NRCAM: variants seen among roughly 807,000 people sequenced by gnomAD.
NRCAM encodes neuronal cell adhesion molecule, also known as NgCAM-related cell adhesion molecule.
NRCAM carries 83 observed loss-of-function variants against 156.5 expected under a neutral mutation model. The observed-to-expected ratio is 0.53, with a 90% confidence interval of 0.44 to 0.64. NRCAM has a LOEUF of 0.64. Ranked by LOEUF, NRCAM falls within the 30% of genes least tolerant of loss-of-function variation. The pLI is 0.00. For missense variants in NRCAM, 1,417 were observed against 1,597.3 expected, an observed-to-expected ratio of 0.89 and a Z score of 1.92; for synonymous variants, 538 against 563.9, an observed-to-expected ratio of 0.95 and a Z score of 0.65.
At chr7:108,273,052 C>T (rs752218823) in intron 3 of NRCAM, among the ~76,000 whole-genome samples, 1 of 152,162 alleles carries the variant, frequency 6.6e-6, no homozygotes, top group Non-Finnish European at 1.5e-5. Context: ...CCAGCTTCAT[C>T]CATGTCCCTA....
intron 3 of NRCAM, among the ~76,000 whole-genome samples, chr7:108,286,025 A>G (rs2098086009): frequency 6.6e-6 from 1 of 152,232 alleles, no homozygotes; most frequent in Admixed American, 6.5e-5. Context: ...TAGGCTTTGT[A>G]AGCCTTATAG....
chr7:108,163,744 G>A (rs571255157), intron 30 of NRCAM, among the ~76,000 whole-genome samples: 5 of 151,986 alleles, frequency 3.3e-5, no homozygotes, highest in African/African-American at 1.2e-4. Flanking sequence ...GGGGCAGGGA[G>A]TGGCGCTAAT....
intron 2 of NRCAM, among the ~76,000 whole-genome samples, chr7:108,388,019 A>T (rs1440262438): frequency 2.0e-5 from 3 of 152,140 alleles, no homozygotes; most frequent in East Asian, 3.8e-4. Context: ...CAATAAACAT[A>T]TGTGTGCATG....
intron 32 of NRCAM, among the ~76,000 whole-genome samples, chr7:108,155,204 C>T (rs993264601): frequency 1.3e-5 from 2 of 150,254 alleles, no homozygotes; most frequent in African/African-American, 4.9e-5. Flanking sequence ...GTATTCAAAG[C>T]TTTACAAAAC....
At chr7:108,455,363 GGTAATC>G (rs1855750565) in intron 1 of NRCAM, among the ~76,000 whole-genome samples, 1 of 152,182 alleles carries the variant, frequency 6.6e-6, no homozygotes, top group African/African-American at 2.4e-5. Context: ...CTCCAGGGCG[GGTAATC>G]ACTCCTGGCT....
Position 108,232,430 on chromosome 7 carries a change from A to T in NRCAM, c.323T>A (p.Ile108Asn). ...GGTCTCAGCTTTCCCTTCGCTCATG[A>T]TGTTAATTATGAGCGTTCCTGTGCC... ...KPGTGTLIIN[I>N]MSEGKAETYE... The change falls in exon 7 of 33, where the codon ATC becomes AAC. Residue 108 changes from isoleucine to asparagine, a missense_variant. By Grantham distance (149) the Ile-to-Asn change is moderately radical (BLOSUM62 -3). Coordinates refer to ENST00000379028, the MANE Select transcript of NRCAM (RefSeq NM_001037132.4). 6.2e-7 allele frequency: 1 copy of T among 1,613,720 alleles called. No individual in the cohort carries two copies. The highest frequency in any genetic ancestry group is 1.1e-5 in the South Asian group (1 of 91,054).
rs558369582 is a variant in NRCAM at position 108,360,515 on chromosome 7, CAA to C, written c.-174+38919_-174+38920del. 9.9e-5 allele frequency among the ~76,000 whole-genome samples: 15 copies of C among 152,194 alleles called. No individual in the cohort carries two copies. The East Asian group carries it at 2.5e-3, about 25-fold the overall frequency. ...TTCTAAGGCTAAAATTCACGTGAAA[CAA>C]AAGAGACCCAGAATAGCCAAAACAA... On this transcript the variant is annotated intron_variant, in intron 2 of 32. Coordinates refer to ENST00000379028, the MANE Select transcript of NRCAM (RefSeq NM_001037132.4).
At chr7:108,406,101 G>A (rs2099806694) in intron 1 of NRCAM, among the ~76,000 whole-genome samples, 1 of 152,072 alleles carries the variant, frequency 6.6e-6, no homozygotes, top group Non-Finnish European at 1.5e-5. Flanking sequence ...AGGGGTAAGG[G>A]TGTGACCATG....
intron 3 of NRCAM, among the ~76,000 whole-genome samples, chr7:108,294,159 A>T (rs369235536): frequency 6.7e-6 from 1 of 148,232 alleles, no homozygotes; most frequent in African/African-American, 2.5e-5. Flanking sequence ...TTTGGGCTCC[A>T]GCAGCCCAGG....
Position 108,298,878 on chromosome 7 carries a change from G to A in NRCAM, c.-107+13787C>T, listed in dbSNP as rs112228014. Among the ~76,000 whole-genome samples the A allele has an allele frequency of 6.8e-4, 102 of 150,998 alleles. 2 individuals are homozygous for A. Among genetic ancestry groups the A allele is most frequent in the African/African-American group, 2.4e-3 (100 of 41,188 alleles). On this transcript the variant is annotated intron_variant, in intron 3 of 32. Transcript: ENST00000379028. ...CCCAGCACTTTGTGAAGCCGAGGCG[G>A]GCAGATCACCTGAGGTCAGGAGTTC...
chr7:108,159,697 T>C (rs2047671631), intron 31 of NRCAM, among the ~76,000 whole-genome samples, 156 bp from the exon 32 acceptor site: 1 of 152,180 alleles, frequency 6.6e-6, no homozygotes, highest in African/African-American at 2.4e-5. Flanking sequence ...GCATATATTT[T>C]GGTATTTTAG....
chr7:108,272,744 T>C (rs1196341915), intron 3 of NRCAM, among the ~76,000 whole-genome samples: 1 of 152,044 alleles, frequency 6.6e-6, no homozygotes, highest in Non-Finnish European at 1.5e-5. Flanking sequence ...TAATCCAGAA[T>C]TCTATTTTTT....
At chr7:108,345,430 T>C (rs1485556056) in intron 2 of NRCAM, among the ~76,000 whole-genome samples, 1 of 152,162 alleles carries the variant, frequency 6.6e-6, no homozygotes, top group Non-Finnish European at 1.5e-5. Flanking sequence ...CAAAATAGTG[T>C]TTATAAGAGC....
intron 2 of NRCAM, among the ~76,000 whole-genome samples, chr7:108,350,367 T>C (rs1248109416): frequency 1.3e-5 from 2 of 152,212 alleles, no homozygotes; most frequent in Non-Finnish European, 2.9e-5. Context: ...TGTGACTCTT[T>C]ACTCATCAGG....
chr7:108,340,691 C>T (rs1322275045), intron 2 of NRCAM, among the ~76,000 whole-genome samples: 2 of 152,088 alleles, frequency 1.3e-5, no homozygotes, highest in Non-Finnish European at 2.9e-5. Context: ...AGGAAAAAGC[C>T]CATGAATTAT....
chr7:108,363,439 C>T (rs778675033), intron 2 of NRCAM, among the ~76,000 whole-genome samples: 7 of 152,252 alleles, frequency 4.6e-5, no homozygotes, highest in Non-Finnish European at 8.8e-5. Flanking sequence ...CGTGTGCCAC[C>T]ATGCCCAGCC....
intron 1 of NRCAM, among the ~76,000 whole-genome samples, chr7:108,414,540 A>C (rs911726918): frequency 6.6e-6 from 1 of 152,210 alleles, no homozygotes; most frequent in African/African-American, 2.4e-5. Flanking sequence ...TGTCCACAAC[A>C]ACCTCACAAT....
At chr7:108,392,986 G>A (rs569353684) in intron 2 of NRCAM, among the ~76,000 whole-genome samples, 26 of 152,260 alleles carry the variant, frequency 1.7e-4, no homozygotes, top group African/African-American at 6.3e-4. Flanking sequence ...ACTTGGGGGT[G>A]CCTCCCAGTT....
intron 32 of NRCAM, among the ~76,000 whole-genome samples, chr7:108,157,713 G>C (rs2046385380): frequency 1.3e-5 from 2 of 152,088 alleles, no homozygotes; most frequent in Admixed American, 1.3e-4. Flanking sequence ...GCAGTTATCT[G>C]GGAAAGTCAC....
Sources: gnomAD v4.1 joint callset for allele counts (sites outside exome capture counted in the v4.1 genomes callset) on GRCh38, gnomAD v4.1.1 for gene constraint, MANE v1.5 for transcripts, NCBI Gene and HGNC (gene_info 2026-07-23, HGNC 2026-07-21) for gene names.